Variants in APCDD1 observed in about 807,000 individuals in gnomAD.
APCDD1 encodes protein APCDD1.
In APCDD1, 15 loss-of-function variants were observed where a neutral mutation model predicts 38.1. The ratio of observed to expected loss-of-function variants is 0.39; its 90% CI spans 0.26 to 0.61. The LOEUF (loss-of-function observed/expected upper bound fraction) is 0.61. Among genes scored for constraint, APCDD1 ranks in the 20% least tolerant of loss-of-function variants. The pLI, the probability that APCDD1 is intolerant of heterozygous loss-of-function variation, is 0.49. For synonymous variants in APCDD1, 261 were observed against 279.7 expected (o/e 0.93, Z 0.67); for missense variants, 647 against 696.2 (o/e 0.93, Z 0.79).
chr18:10,456,294 G>A (rs1341024887), intron 1 of APCDD1, among the ~76,000 whole-genome samples: 2 of 152,196 alleles, frequency 1.3e-5, no homozygotes, highest in Non-Finnish European at 2.9e-5. Context: ...CAAAAAGAGA[G>A]AAGGTATAAT....
chr18:10,484,295 T>G (rs2031202391), intron 3 of APCDD1, among the ~76,000 whole-genome samples: 1 of 152,308 alleles, frequency 6.6e-6, no homozygotes, highest in South Asian at 2.1e-4. Flanking sequence ...GCGGGCCGCC[T>G]CCTCCATTCC....
intron 4 of APCDD1, among the ~76,000 whole-genome samples, chr18:10,486,142 A>G (rs2031246287): frequency 1.3e-5 from 2 of 152,246 alleles, no homozygotes; most frequent in South Asian, 4.1e-4. Flanking sequence ...TCATGAGGCC[A>G]GAAGTTTGAA....
chr18:10,471,430 G>A lies in APCDD1; in HGVS notation c.243-100G>A. ...GACAACAGAGTCTGGCCCATCGTCA[G>A]CACTTTATTATTATTTCTGTAATTT... On this transcript the variant is annotated intron_variant, in intron 2 of 4. Transcript: ENST00000355285. This position sits in a 1 kb window ranked among gnomAD's most constrained non-coding sequence, Gnocchi z 5.5. 1.3e-6 allele frequency: 2 copies of A among 1,491,352 alleles called. No individual in the cohort carries two copies. The highest frequency in any genetic ancestry group is 9.2e-7 in the Non-Finnish European group (1 of 1,085,418). 92.4% of individuals were successfully genotyped at this position (1,491,352 alleles called of 1,614,324 possible). A position where few individuals can be genotyped will look rare whatever the true frequency, so the allele number is the denominator to read the frequency against.
chr18:10,471,010 A>G lies in APCDD1; in HGVS notation c.243-520A>G, dbSNP rs2030838336. On this transcript the variant is annotated intron_variant, in intron 2 of 4. Coordinates refer to ENST00000355285, the MANE Select transcript of APCDD1 (RefSeq NM_153000.5). This position sits in a 1 kb window ranked among gnomAD's most constrained non-coding sequence, Gnocchi z 5.5. ...TGACTAGATTCTGTCTCAGGATGACAGACATTTTGCACCTGCCTGCTGTAG... is the reference window on the plus strand; with the variant it reads ...TGACTAGATTCTGTCTCAGGATGACGGACATTTTGCACCTGCCTGCTGTAG... Among the ~76,000 whole-genome samples, 1 of 152,258 alleles carries G rather than the reference A, an allele frequency of 6.6e-6. No individual in the cohort carries two copies. Among genetic ancestry groups the G allele is most frequent in the Non-Finnish European group, 1.5e-5 (1 of 68,044 alleles).
chr18:10,474,999 G>A (rs984470403), intron 3 of APCDD1, among the ~76,000 whole-genome samples: 1 of 152,220 alleles, frequency 6.6e-6, no homozygotes, highest in Non-Finnish European at 1.5e-5. Flanking sequence ...TGTGGCATTG[G>A]TAGTTATCTG....
chr18:10,486,666 AG>A (rs2031255240), intron 4 of APCDD1, among the ~76,000 whole-genome samples: 1 of 150,974 alleles, frequency 6.6e-6, no homozygotes, highest in Admixed American at 6.6e-5. Flanking sequence ...GCAACAAAGC[AG>A]GGCTTGTGGT....
In APCDD1 at chr18:10,489,616, A is replaced by G. The variant is rs944596644; in HGVS notation, c.*1578A>G. 3 of 152,014 alleles carry G rather than the reference A, an allele frequency of 2.0e-5. No individual in the cohort carries two copies. The highest frequency in any genetic ancestry group is 1.3e-4 in the Admixed American group (2 of 15,236). The allele number at this position is 152,014 out of a possible 1,614,324, so 9.4% of individuals were successfully genotyped here. A position where few individuals can be genotyped will look rare whatever the true frequency, so the allele number is the denominator to read the frequency against. On this transcript the variant is annotated 3_prime_UTR_variant, in exon 5 of 5. Coordinates refer to ENST00000355285, the MANE Select transcript of APCDD1 (RefSeq NM_153000.5). ...CGGGAGGCTGAGGCAGGAGAATGGCATGAACCTGGGAGGTGGAGCTTGCAG... is the reference window on the plus strand; with the variant it reads ...CGGGAGGCTGAGGCAGGAGAATGGCGTGAACCTGGGAGGTGGAGCTTGCAG...
At chr18:10,455,129 G>A (rs1191453869) in intron 1 of APCDD1, 90 bp downstream of exon 1, 1 of 1,532,600 alleles carries the variant, frequency 6.5e-7, no homozygotes, top group East Asian at 2.5e-5. Flanking sequence ...TCTGGATCGC[G>A]GCACGGCCTA....
At position 10,488,181 on chromosome 18, in the gene APCDD1, GC is replaced by G. The variant is rs1448698606; in HGVS notation, c.*147del. The G allele has an allele frequency of 8.6e-6, 9 of 1,041,916 alleles. No homozygotes were observed. The highest frequency in any genetic ancestry group is 1.3e-5 in the Non-Finnish European group (9 of 714,672). The allele number at this position is 1,041,916 out of a possible 1,614,324, so 64.5% of individuals were successfully genotyped here. On this transcript the variant is annotated 3_prime_UTR_variant, in exon 5 of 5. Transcript: ENST00000355285. Reference sequence around the variant, plus strand: ...CTTTTTCTCCTCTCCCTCCCTCCCAGCCCCTGAGTCATGAACAGCAAGGAGT... The same window carrying G: ...CTTTTTCTCCTCTCCCTCCCTCCCAGCCCTGAGTCATGAACAGCAAGGAGT...
In APCDD1 at chr18:10,470,538, C is replaced by T. The variant is rs547802218; in HGVS notation, c.243-992C>T. On this transcript the variant is annotated intron_variant, in intron 2 of 4. Transcript: ENST00000355285. The surrounding 1 kb of genome is among the most constrained non-coding windows in gnomAD (Gnocchi z 4.1). ...ACTTGTGTTTGGCATTTTAGCCTGA[C>T]TGCTTGATTTAGCAGCGCTTCGTCA... Among the ~76,000 whole-genome samples the T allele has an allele frequency of 3.2e-4, 49 of 152,372 alleles. No individual in the cohort carries two copies. The highest frequency in any genetic ancestry group is 1.2e-3 in the African/African-American group (48 of 41,586).
At position 10,459,316 on chromosome 18, in the gene APCDD1, G is replaced by GCACACACACACA. The variant is rs56849201; in HGVS notation, c.58+4290_58+4301dup. ...TCCCTGCTGGGAATCCCACAAGCGT[G>GCACACACACACA]CACACACACACACACACACACACAG... On this transcript the variant is annotated intron_variant, in intron 1 of 4. Coordinates refer to ENST00000355285, the MANE Select transcript of APCDD1 (RefSeq NM_153000.5). Among the ~76,000 whole-genome samples, 1,136 of 150,224 alleles carry GCACACACACACA rather than the reference G, an allele frequency of 7.6e-3. 14 individuals carry two copies. The highest frequency in any genetic ancestry group is 0.025 in the African/African-American group (1,030 of 40,874).
chr18:10,461,506 A>G (rs1038578309), intron 1 of APCDD1, among the ~76,000 whole-genome samples: 1 of 152,186 alleles, frequency 6.6e-6, no homozygotes, highest in African/African-American at 2.4e-5. Context: ...AGTACCATGG[A>G]CTGACTTTAC....
Position 10,489,331 on chromosome 18 carries a change from G to A in APCDD1, c.*1293G>A, listed in dbSNP as rs866096868. Reference sequence around the variant, plus strand: ...TCACAGAGACTGGGAAAGGGAAATGGGAGTAACCGAAAGCCAGATGGAACG... The same window carrying A: ...TCACAGAGACTGGGAAAGGGAAATGAGAGTAACCGAAAGCCAGATGGAACG... On this transcript the variant is annotated 3_prime_UTR_variant, in exon 5 of 5. Coordinates refer to ENST00000355285, the MANE Select transcript of APCDD1 (RefSeq NM_153000.5). 2.0e-5 allele frequency: 3 copies of A among 152,166 alleles called. No individual in the cohort carries two copies. Among genetic ancestry groups the A allele is most frequent in the Admixed American group, 2.0e-4 (3 of 15,258 alleles). The allele number at this position is 152,166 out of a possible 1,614,324, so 9.4% of individuals were successfully genotyped here.
chr18:10,471,581 C>T lies in APCDD1; in HGVS notation c.294C>T (p.Tyr98=), dbSNP rs1483302395. 6.2e-7 allele frequency: 1 copy of T among 1,614,200 alleles called. No homozygotes were observed. The highest frequency in any genetic ancestry group is 1.7e-5 in the Admixed American group (1 of 60,022). ...TCATCACAAGGTCCTACAGATTCTA[C>T]CACAATAACACCTTCAAGGCCTACC... is the stretch of plus-strand genomic sequence containing the variant. ...PEFITRSYRF[Y]HNNTFKAYQF... Residue 98 remains tyrosine, a synonymous_variant, in exon 3 of 5, where the codon TAC becomes TAT. Coordinates refer to ENST00000355285, the MANE Select transcript of APCDD1 (RefSeq NM_153000.5). The surrounding 1 kb of genome is among the most constrained non-coding windows in gnomAD (Gnocchi z 5.5).
At chr18:10,487,233 C>T (rs562134042) in intron 4 of APCDD1, among the ~76,000 whole-genome samples, 5 of 152,194 alleles carry the variant, frequency 3.3e-5, no homozygotes, top group African/African-American at 4.8e-5. Flanking sequence ...TCAATCCCAA[C>T]GAGTCAGCAT....
intron 3 of APCDD1, chr18:10,474,179 C>T (rs2030934550): frequency 1.3e-5 from 2 of 152,268 alleles, no homozygotes; most frequent in South Asian, 4.1e-4. Context: ...CCGCCTTGGC[C>T]TCCCAAAGTG....
rs1478546543 is a variant in APCDD1 at position 10,469,161 on chromosome 18, C to T, written c.242+509C>T. Among the ~76,000 whole-genome samples, 1 of 152,164 alleles carries T rather than the reference C, an allele frequency of 6.6e-6. No homozygotes were observed. The highest frequency in any genetic ancestry group is 1.9e-4 in the East Asian group (1 of 5,188). On this transcript the variant is annotated intron_variant, in intron 2 of 4. Transcript: ENST00000355285. This position sits in a 1 kb window ranked among gnomAD's most constrained non-coding sequence, Gnocchi z 5.5. ...AAGCTGAGATTTATCCCAGTTTGAG[C>T]TCTGGCTTATCTTCCATTAGAGCTT...
intron 1 of APCDD1, among the ~76,000 whole-genome samples, chr18:10,458,794 A>G (rs1310283136): frequency 6.6e-6 from 1 of 152,188 alleles, no homozygotes; most frequent in Non-Finnish European, 1.5e-5. Context: ...GATTGTCTAC[A>G]TCGGTTGAAA....
At chr18:10,481,429 C>A (rs1255579327) in intron 3 of APCDD1, among the ~76,000 whole-genome samples, 1 of 152,020 alleles carries the variant, frequency 6.6e-6, no homozygotes, top group East Asian at 1.9e-4. Flanking sequence ...GTGAAACAGG[C>A]CAGATACAAA....
Sources: gnomAD v4.1 joint callset for allele counts (sites outside exome capture counted in the v4.1 genomes callset) on GRCh38, gnomAD v4.1.1 for gene constraint, Gnocchi (gnomAD v3.1) non-coding constraint, MANE v1.5 for transcripts, NCBI Gene and HGNC (gene_info 2026-07-23, HGNC 2026-07-21) for gene names.